The following KIAA0930 variants were observed in gnomAD, a reference collection of about 807,000 sequenced individuals.
KIAA0930 encodes KIAA0930.
Under a neutral mutation model 43.9 loss-of-function variants are expected in KIAA0930, and 24 were observed. The ratio of observed to expected loss-of-function variants is 0.55; its 90% CI spans 0.40 to 0.77. The LOEUF (loss-of-function observed/expected upper bound fraction) is 0.77, where lower values mean the gene tolerates loss of function less well. Among genes scored for constraint, KIAA0930 ranks in the 30% least tolerant of loss-of-function variants. The pLI is 0.00. For missense variants in KIAA0930, 461 were observed against 574.2 expected (o/e 0.80, Z 2.02); for synonymous variants, 259 against 216.4 (o/e 1.20, Z -1.73).
intron 8 of KIAA0930, among the ~76,000 whole-genome samples, chr22:45,198,983 C>G (rs2083561797): frequency 6.6e-6 from 1 of 152,160 alleles, no homozygotes; most frequent in African/African-American, 2.4e-5. Context: ...AACAGACACG[C>G]ACACAGTGCG....
intron 7 of KIAA0930, among the ~76,000 whole-genome samples, chr22:45,200,757 G>A (rs1314626055): frequency 1.3e-5 from 2 of 152,236 alleles, no homozygotes; most frequent in East Asian, 1.9e-4. Flanking sequence ...TGCCCTCAAG[G>A]AGCTCACAGT....
chr22:45,203,802 C>A, intron 6 of KIAA0930, 43 bp downstream of exon 6: 1 of 1,600,596 alleles, frequency 6.2e-7, no homozygotes, highest in Non-Finnish European at 8.5e-7. Context: ...GAGCCGCCGT[C>A]CCCGGGCCCA....
intron 1 of KIAA0930, among the ~76,000 whole-genome samples, 159 bp downstream of exon 1, chr22:45,240,481 G>T (rs549752319): frequency 3.3e-5 from 5 of 152,102 alleles, no homozygotes; most frequent in Non-Finnish European, 7.4e-5. Flanking sequence ...CGGTGGGGGG[G>T]GGGCCATGGA....
At chr22:45,222,156 A>C (rs1184221692) in intron 1 of KIAA0930, among the ~76,000 whole-genome samples, 1 of 152,234 alleles carries the variant, frequency 6.6e-6, no homozygotes, top group Non-Finnish European at 1.5e-5. Flanking sequence ...TCAAGCCAAA[A>C]TAAATTCCAA....
At chr22:45,210,757 C>T (rs2083685769) in intron 2 of KIAA0930, among the ~76,000 whole-genome samples, 1 of 151,844 alleles carries the variant, frequency 6.6e-6, no homozygotes, top group Non-Finnish European at 1.5e-5. Context: ...GCATTCCCTG[C>T]CTGCCCGAGT....
At chr22:45,204,202 C>T (rs1018398961) in intron 5 of KIAA0930, among the ~76,000 whole-genome samples, 4 of 152,194 alleles carry the variant, frequency 2.6e-5, no homozygotes, top group Admixed American at 1.3e-4. Context: ...AGGACAGGGA[C>T]GCTTACGGAG....
intron 1 of KIAA0930, among the ~76,000 whole-genome samples, chr22:45,232,309 A>G (rs543916553): frequency 4.5e-4 from 68 of 152,352 alleles, no homozygotes; most frequent in African/African-American, 1.6e-3. Flanking sequence ...TTTCTCTGCC[A>G]TAAGTGTTGC....
intron 1 of KIAA0930, among the ~76,000 whole-genome samples, chr22:45,219,010 C>A (rs2083750925): frequency 6.6e-6 from 1 of 151,772 alleles, no homozygotes; most frequent in South Asian, 2.1e-4. Context: ...AATTATTTTC[C>A]ATGGGGATGG....
intron 1 of KIAA0930, among the ~76,000 whole-genome samples, chr22:45,238,621 G>A (rs2083900295): frequency 6.6e-6 from 1 of 152,104 alleles, no homozygotes; most frequent in African/African-American, 2.4e-5. Context: ...GCGGCTTTCC[G>A]GGCAGAGAAA....
intron 1 of KIAA0930, chr22:45,235,259 G>A (rs1349348921): frequency 6.6e-6 from 1 of 152,242 alleles, no homozygotes; most frequent in African/African-American, 2.4e-5. Context: ...CCAGGCCAGT[G>A]GTGCCTATGC....
chr22:45,207,996 A>T (rs1271846226), intron 2 of KIAA0930, among the ~76,000 whole-genome samples: 1 of 152,166 alleles, frequency 6.6e-6, no homozygotes. Context: ...AGTGAATGAA[A>T]GGCTCGGGGG....
rs551440398 is a variant in KIAA0930, at chr22:45,193,306, G to A, written c.*3870C>T. 2 of 152,296 alleles carry A rather than the reference G, an allele frequency of 1.3e-5. No homozygotes were observed. Among genetic ancestry groups the A allele is most frequent in the Non-Finnish European group, 2.9e-5 (2 of 68,024 alleles). 9.4% of individuals were successfully genotyped at this position (152,296 alleles called of 1,614,324 possible). ...TAAGTTCGCTAAAAAGTTGGCAGAT[G>A]TTTCGTATGTCTTTAAAGGATTTTG... On this transcript the variant is annotated 3_prime_UTR_variant, in exon 10 of 10. Transcript: ENST00000336156.
chr22:45,225,049 C>T (rs1159329893), intron 1 of KIAA0930, among the ~76,000 whole-genome samples: 1 of 152,182 alleles, frequency 6.6e-6, no homozygotes, highest in Non-Finnish European at 1.5e-5. Context: ...CAATAGACTC[C>T]ACTTGGCCCT....
intron 1 of KIAA0930, among the ~76,000 whole-genome samples, chr22:45,236,816 G>A (rs2083891122): frequency 6.6e-6 from 1 of 152,208 alleles, no homozygotes; most frequent in Non-Finnish European, 1.5e-5. Context: ...AGGAAAGAAT[G>A]AACATAAAAT....
chr22:45,199,262 C>T (rs1340128683), intron 8 of KIAA0930, among the ~76,000 whole-genome samples: 2 of 152,148 alleles, frequency 1.3e-5, no homozygotes, highest in Admixed American at 6.5e-5. Flanking sequence ...GGAGCAGGCA[C>T]GGGTGCTCAG....
intron 1 of KIAA0930, chr22:45,213,425 C>T: frequency 7.7e-7 from 1 of 1,295,184 alleles, no homozygotes; most frequent in Non-Finnish European, 1.0e-6. Flanking sequence ...CCTTGTCAGC[C>T]TCCAGGGGTG....
At chr22:45,228,220 C>T (rs2083814876) in intron 1 of KIAA0930, among the ~76,000 whole-genome samples, 1 of 152,132 alleles carries the variant, frequency 6.6e-6, no homozygotes, top group African/African-American at 2.4e-5. Context: ...TCCCCGATCC[C>T]CAGCACACAC....
At chr22:45,238,189 G>C (rs554839439) in intron 1 of KIAA0930, among the ~76,000 whole-genome samples, 13 of 152,112 alleles carry the variant, frequency 8.5e-5, no homozygotes, top group African/African-American at 2.9e-4. Context: ...GCCTCCCAAA[G>C]GGTTGGGATT....
intron 1 of KIAA0930, among the ~76,000 whole-genome samples, chr22:45,235,056 C>T (rs1471182076): frequency 6.6e-6 from 1 of 151,978 alleles, no homozygotes; most frequent in African/African-American, 2.4e-5. Context: ...TAACAAGTCT[C>T]CTGCTTGGGG....
Sources: allele counts gnomAD v4.1 joint callset (sites outside exome capture counted in the v4.1 genomes callset), GRCh38; gene constraint gnomAD v4.1.1; transcripts MANE v1.5; gene names NCBI Gene and HGNC (gene_info 2026-07-23, HGNC 2026-07-21).